The following PARP1 variants were observed in gnomAD, a reference collection of about 807,000 sequenced individuals.
PARP1 encodes the protein poly [ADP-ribose] polymerase 1.
PARP1 carries 44 observed loss-of-function variants against 118.7 expected under a neutral mutation model. That is an observed-to-expected ratio of 0.37 (90% CI 0.29 to 0.48). PARP1 has a LOEUF of 0.48. PARP1 is among the 20% of genes least tolerant of loss of function. The pLI, the probability that PARP1 is intolerant of heterozygous loss-of-function variation, is 0.99. For missense variants in PARP1, 1,100 were observed against 1,272.4 expected (o/e 0.86, Z 2.06); for synonymous variants, 492 against 483.2 (o/e 1.02, Z -0.24).
intron 2 of PARP1, chr1:226,393,017 G>A: frequency 6.6e-7 from 1 of 1,512,022 alleles, no homozygotes; most frequent in Non-Finnish European, 8.8e-7. Flanking sequence ...AGAAACACAA[G>A]GTGTAAGTTT....
At chr1:226,393,455 C>G (rs892148996) in intron 2 of PARP1, among the ~76,000 whole-genome samples, 1 of 152,188 alleles carries the variant, frequency 6.6e-6, no homozygotes, top group East Asian at 1.9e-4. Flanking sequence ...TAGCCCCAAA[C>G]TGGCAACAAC....
At position 226,367,480 on chromosome 1, in the gene PARP1, C is replaced by T; in HGVS notation, c.2406G>A (p.Lys802=). ...CTTGAGGAAGGCCTGACCCTGTTACCTTAATGTCAGTTTTGAGCTTCTCAT... is the reference window on the plus strand; with the variant it reads ...CTTGAGGAAGGCCTGACCCTGTTACTTTAATGTCAGTTTTGAGCTTCTCAT... ...VNYEKLKTDI[K]VVDRDSEEAE... is the part of the protein sequence containing the mutation. Residue 802 remains lysine (K), a splice_region_variant and synonymous_variant, in exon 17 of 23, where the codon AAG becomes AAA. Coordinates refer to ENST00000366794, the MANE Select transcript of PARP1 (RefSeq NM_001618.4). 1 of 1,613,904 alleles carries T rather than the reference C, an allele frequency of 6.2e-7. No individual in the cohort carries two copies. The highest frequency in any genetic ancestry group is 8.5e-7 in the Non-Finnish European group (1 of 1,179,996).
At position 226,386,396 on chromosome 1, in the gene PARP1, A is replaced by G. The variant is rs1286791457; in HGVS notation, c.764T>C (p.Val255Ala). 5 of 1,613,942 alleles carry G rather than the reference A, an allele frequency of 3.1e-6. No homozygotes were observed. Among genetic ancestry groups the G allele is most frequent in the Non-Finnish European group, 4.2e-6 (5 of 1,179,938 alleles). ...IWNIKDELKK[V>A]CSTNDLKELL... Reference sequence around the variant, plus strand: ...CTCCTTCAGGTCATTAGTTGAACACACTTTCTTTAGCTCGTCCTTGATGTT... The same window carrying G: ...CTCCTTCAGGTCATTAGTTGAACACGCTTTCTTTAGCTCGTCCTTGATGTT... Residue 255 changes from valine to alanine, a missense_variant, in exon 6 of 23, where the codon GTG becomes GCG. Coordinates refer to ENST00000366794, the MANE Select transcript of PARP1 (RefSeq NM_001618.4).
At chr1:226,382,229 G>T (rs1267617114) in intron 8 of PARP1, among the ~76,000 whole-genome samples, 1 of 152,198 alleles carries the variant, frequency 6.6e-6, no homozygotes, top group Admixed American at 6.5e-5. Context: ...TAAACAAGCA[G>T]CGGGTCACTT....
intron 13 of PARP1, among the ~76,000 whole-genome samples, chr1:226,375,061 T>A (rs1301684899): frequency 6.6e-6 from 1 of 152,248 alleles, no homozygotes; most frequent in African/African-American, 2.4e-5. Flanking sequence ...TCCAGCACAG[T>A]GTCCCTAGCA....
At chr1:226,403,825 C>T (rs867070238) in intron 1 of PARP1, among the ~76,000 whole-genome samples, 1 of 152,202 alleles carries the variant, frequency 6.6e-6, no homozygotes, top group South Asian at 2.1e-4. Flanking sequence ...AAATGTCACA[C>T]AGATGCAATA....
At chr1:226,395,257 A>C (rs1664893204) in intron 2 of PARP1, among the ~76,000 whole-genome samples, 4 of 152,258 alleles carry the variant, frequency 2.6e-5, no homozygotes, top group Admixed American at 2.6e-4. Flanking sequence ...ACCATGATTC[A>C]GTGATTTCAC....
At chr1:226,393,766 G>A (rs1262587311) in intron 2 of PARP1, among the ~76,000 whole-genome samples, 5 of 152,138 alleles carry the variant, frequency 3.3e-5, no homozygotes, top group Non-Finnish European at 5.9e-5. Flanking sequence ...ATAACTCAAC[G>A]GGGTCTATGC....
At chr1:226,367,928 A>C (rs1664304339) in intron 16 of PARP1, among the ~76,000 whole-genome samples, 1 of 152,216 alleles carries the variant, frequency 6.6e-6, no homozygotes, top group South Asian at 2.1e-4. Flanking sequence ...CTTAAAAGGC[A>C]GGGAGGGAAA....
chr1:226,382,918 G>T, intron 8 of PARP1, 118 bp downstream of exon 8: 1 of 1,151,370 alleles, frequency 8.7e-7, no homozygotes, highest in Non-Finnish European at 1.3e-6. Flanking sequence ...CCCCATGGTG[G>T]GGTCAGCAAA....
At chr1:226,370,071 T>C (rs1204012019) in intron 15 of PARP1, among the ~76,000 whole-genome samples, 1 of 150,938 alleles carries the variant, frequency 6.6e-6, no homozygotes. Flanking sequence ...CAGGGCACTC[T>C]AGGACTTGAG....
At position 226,364,031 on chromosome 1, in the gene PARP1, T is replaced by C. The variant is rs1289547377; in HGVS notation, c.2698A>G (p.Met900Val). The C allele has an allele frequency of 7.4e-6, 12 of 1,613,876 alleles. No individual in the cohort carries two copies. The East Asian group carries it at 1.3e-4, about 18-fold the overall frequency. ...CAGTAGTTGGCACTCTTGGAGACCA[T>C]GTCAGCGAAATAGATCCCTTTACCA... ...MFGKGIYFADMVSKSANYCHT... is the reference protein window; with the variant it reads ...MFGKGIYFADVVSKSANYCHT... Residue 900 changes from methionine to valine, a missense_variant, in exon 20 of 23, where the codon ATG (methionine) becomes GTG (valine). This residue lies in a region of PARP1 where 152 missense variants were observed against 240.6 expected (regional missense o/e 0.63). Coordinates refer to ENST00000366794, the MANE Select transcript of PARP1 (RefSeq NM_001618.4).
intron 7 of PARP1, among the ~76,000 whole-genome samples, chr1:226,384,184 G>C (rs2102737831): frequency 6.6e-6 from 1 of 152,358 alleles, no homozygotes; most frequent in African/African-American, 2.4e-5. Context: ...GTAGCACACG[G>C]TGGCATGTGG....
At chr1:226,391,046 G>C (rs1461266940) in intron 3 of PARP1, among the ~76,000 whole-genome samples, 1 of 147,526 alleles carries the variant, frequency 6.8e-6, no homozygotes, top group African/African-American at 2.5e-5. Flanking sequence ...TTGTTGCCTA[G>C]GCTGGAGTGC....
At chr1:226,373,432 C>A (rs138448768) in intron 14 of PARP1, among the ~76,000 whole-genome samples, 1 of 152,182 alleles carries the variant, frequency 6.6e-6, no homozygotes, top group Admixed American at 6.5e-5. Context: ...GGTGGGACCA[C>A]CTCTGCTCTG....
chr1:226,408,082 T>G lies in PARP1; in HGVS notation c.-153A>C. On this transcript the variant is annotated 5_prime_UTR_variant, in exon 1 of 23. Transcript: ENST00000366794. ...CGCCGCACCGGCCACCGCCGTTCCC[T>G]GATAGATTGCTGATGCCTGGCCGCG... 3 of 1,135,172 alleles carry G rather than the reference T, an allele frequency of 2.6e-6. No individual in the cohort carries two copies. The highest frequency in any genetic ancestry group is 3.8e-6 in the Non-Finnish European group (3 of 788,792). The allele number at this position is 1,135,172 out of a possible 1,614,324, so 70.3% of individuals were successfully genotyped here. A position where few individuals can be genotyped will look rare whatever the true frequency, so the allele number is the denominator to read the frequency against.
intron 16 of PARP1, 151 bp downstream of exon 16, chr1:226,368,048 G>C (rs1664305763): frequency 1.9e-6 from 2 of 1,053,062 alleles, no homozygotes; most frequent in Non-Finnish European, 1.5e-6. Context: ...CTCCATCAAT[G>C]TGGGTAGAAA....
chr1:226,404,174 A>ATC (rs10623441), intron 1 of PARP1, among the ~76,000 whole-genome samples: 152,285 of 152,338 alleles, frequency 1, 76,117 homozygotes, highest in Middle Eastern at 1. Context: ...CTCTAGCAAC[A>ATC]TGTCACAGAG....
intron 13 of PARP1, 72 bp downstream of exon 13, chr1:226,377,036 T>C (rs1664505802): frequency 1.3e-5 from 17 of 1,293,292 alleles, no homozygotes; most frequent in Non-Finnish European, 1.8e-5. Flanking sequence ...TGATCCACGA[T>C]GTGGATTTTC....
Sources: allele counts gnomAD v4.1 joint callset (sites outside exome capture counted in the v4.1 genomes callset), GRCh38; gene constraint gnomAD v4.1.1; regional missense constraint gnomAD v4.1.1; transcripts MANE v1.5; gene names NCBI Gene and HGNC (gene_info 2026-07-23, HGNC 2026-07-21).